The following HYLS1 variants were observed in gnomAD, a reference collection of about 807,000 sequenced individuals.
HYLS1 encodes HYLS1 centriolar and ciliogenesis associated, also known as centriolar and ciliogenesis-associated protein HYLS1.
In HYLS1, 25 loss-of-function variants were observed where a neutral mutation model predicts 29.4. The observed-to-expected ratio is 0.85, with a 90% CI of 0.62 to 1.19. The LOEUF (loss-of-function observed/expected upper bound fraction) is 1.19, where lower values mean the gene tolerates loss of function less well. Ranked by LOEUF, HYLS1 falls within the 50% of genes most tolerant of loss-of-function variation. HYLS1 has a pLI of 0.00. For synonymous variants in HYLS1, 128 were observed against 126.7 expected (o/e 1.01, Z -0.07); for missense variants, 352 against 365.1 (o/e 0.96, Z 0.29).
At position 125,894,085 on chromosome 11, in the gene HYLS1, C is replaced by T. The variant is rs761773596; in HGVS notation, c.-26+2613C>T. The T allele has an allele frequency of 3.1e-6, 5 of 1,613,974 alleles. No individual in the cohort carries two copies. In the South Asian group the frequency reaches 5.5e-5, roughly 18 times the overall value. ...CATTTCCCCATTCTGTCATTCCATC[C>T]ATCTTTGGTCCTATTCCACAGGGTA... On this transcript the variant is annotated intron_variant, in intron 2 of 2. Transcript: ENST00000425380.
chr11:125,885,960 A>G (rs1944298222), upstream of HYLS1, among the ~76,000 whole-genome samples: 1 of 152,138 alleles, frequency 6.6e-6, no homozygotes, highest in South Asian at 2.1e-4. Context: ...TTGCAGAAAA[A>G]CAAGCTCAGG....
At chr11:125,892,110 A>T (rs1174943966) in intron 2 of HYLS1, among the ~76,000 whole-genome samples, 2 of 152,334 alleles carry the variant, frequency 1.3e-5, no homozygotes, top group Non-Finnish European at 2.9e-5. Flanking sequence ...TTAGAGGATC[A>T]GGGTCTTAGA....
At chr11:125,898,762 G>A (rs1304420812) in intron 2 of HYLS1, among the ~76,000 whole-genome samples, 1 of 145,058 alleles carries the variant, frequency 6.9e-6, no homozygotes, top group Non-Finnish European at 1.6e-5. Flanking sequence ...CACTGCTTTT[G>A]TGATTTTTTT....
chr11:125,894,771 A>G (rs1025518057), intron 2 of HYLS1, among the ~76,000 whole-genome samples: 3 of 152,196 alleles, frequency 2.0e-5, no homozygotes, highest in African/African-American at 4.8e-5. Context: ...TTTAATATGA[A>G]TAGTTTGTTC....
intron 1 of HYLS1, among the ~76,000 whole-genome samples, chr11:125,890,194 C>T (rs1156963952): frequency 6.6e-6 from 1 of 152,086 alleles, no homozygotes; most frequent in Non-Finnish European, 1.5e-5. Context: ...GATCCTCCCA[C>T]CTCAGCCTCC....
At chr11:125,884,869 G>A (rs1194362949), upstream of HYLS1, among the ~76,000 whole-genome samples, 2 of 152,182 alleles carry the variant, frequency 1.3e-5, no homozygotes, top group Non-Finnish European at 2.9e-5. Flanking sequence ...AAATTTTTAA[G>A]ATGAGATTTG....
intron 2 of HYLS1, among the ~76,000 whole-genome samples, chr11:125,898,017 C>T (rs530828348): frequency 1.3e-5 from 2 of 152,186 alleles, no homozygotes; most frequent in East Asian, 1.9e-4. Flanking sequence ...TGAAGAATGT[C>T]GGCCTGTGCT....
At chr11:125,887,339 C>A (rs578233454), upstream of HYLS1, 1 of 152,392 alleles carries the variant, frequency 6.6e-6, no homozygotes, top group Admixed American at 6.5e-5. Flanking sequence ...CGCCGTTAGC[C>A]AAGGTTTGAG....
rs374261603 is a variant in HYLS1 at position 125,900,093 on chromosome 11, G to A, written c.725G>A (p.Arg242Gln). ...AGAAAGGAATTACGCTGGGGTGTCC[G>A]AGAGCAGATGCTTTGTCGAGCAGAA... ...DHRKELRWGV[R>Q]EQMLCRAEPQ... The change falls in exon 3 of 3, where the codon CGA becomes CAA. Residue 242 changes from arginine to glutamine, a missense_variant. Transcript: ENST00000425380. 2.7e-5 allele frequency: 43 copies of A among 1,614,064 alleles called. No individual in the cohort carries two copies. Among genetic ancestry groups the A allele is most frequent in the East Asian group, 8.9e-5 (4 of 44,898 alleles).
chr11:125,889,218 C>T (rs557328427), intron 1 of HYLS1, among the ~76,000 whole-genome samples: 2 of 152,222 alleles, frequency 1.3e-5, no homozygotes, highest in East Asian at 3.9e-4. Context: ...TTAATGGATG[C>T]GTGGCGTTTG....
chr11:125,900,646 A>T lies in HYLS1; in HGVS notation c.*378A>T, dbSNP rs1565458565. On this transcript the variant is annotated 3_prime_UTR_variant, in exon 3 of 3. Transcript: ENST00000425380. The stretch of plus-strand genomic sequence containing the variant: ...ACCAATTAAAGAATTTTGGAAATTC[A>T]TGAACTTGAACATTATTTCATGAAA... 2 of 267,868 alleles carry T rather than the reference A, an allele frequency of 7.5e-6. No individual in the cohort carries two copies. The highest frequency in any genetic ancestry group is 1.5e-5 in the Non-Finnish European group (2 of 130,584). The allele number at this position is 267,868 out of a possible 1,614,324, so 16.6% of individuals were successfully genotyped here. A position where few individuals can be genotyped will look rare whatever the true frequency, so the allele number is the denominator to read the frequency against.
At chr11:125,883,892 T>G (rs1410836001), upstream of HYLS1, 1 of 152,078 alleles carries the variant, frequency 6.6e-6, no homozygotes, top group Non-Finnish European at 1.5e-5. Flanking sequence ...AAAGAGTGGT[T>G]AACAAGCATG....
chr11:125,884,545 C>T (rs1944276704), upstream of HYLS1, among the ~76,000 whole-genome samples: 1 of 152,148 alleles, frequency 6.6e-6, no homozygotes, highest in Non-Finnish European at 1.5e-5. Flanking sequence ...GGAGGTGGAG[C>T]TTGCAGTGAG....
At chr11:125,892,616 G>A (rs1274644811) in intron 2 of HYLS1, among the ~76,000 whole-genome samples, 1 of 152,084 alleles carries the variant, frequency 6.6e-6, no homozygotes, top group East Asian at 1.9e-4. Flanking sequence ...GAGTCCTGTT[G>A]TTTCTACTTT....
upstream of HYLS1, among the ~76,000 whole-genome samples, chr11:125,885,461 A>T (rs75885913): frequency 1.4e-4 from 21 of 149,480 alleles, no homozygotes; most frequent in Middle Eastern, 3.4e-3. Context: ...AAAAAAAATT[A>T]AAAAAAAAAG....
intron 2 of HYLS1, chr11:125,895,978 C>A (rs1466951534): frequency 6.2e-7 from 1 of 1,614,178 alleles, no homozygotes; most frequent in South Asian, 1.1e-5. Context: ...CTGCTTTCTA[C>A]TAGTCGAGTC....
intron 2 of HYLS1, among the ~76,000 whole-genome samples, chr11:125,892,529 C>T (rs1301635434): frequency 6.6e-6 from 1 of 152,158 alleles, no homozygotes; most frequent in Admixed American, 6.5e-5. Flanking sequence ...TACTACCAGC[C>T]ACTCATTTTG....
At chr11:125,891,705 G>A (rs1944412141) in intron 2 of HYLS1, among the ~76,000 whole-genome samples, 1 of 152,160 alleles carries the variant, frequency 6.6e-6, no homozygotes. Context: ...GGGCAATTTT[G>A]AATAAATCTT....
chr11:125,884,751 T>A (rs1395233450), upstream of HYLS1, among the ~76,000 whole-genome samples: 1 of 152,252 alleles, frequency 6.6e-6, no homozygotes, highest in Non-Finnish European at 1.5e-5. Flanking sequence ...TGTGGTGATA[T>A]AGAAGCAACA....
Sources: gnomAD v4.1 joint callset for allele counts (sites outside exome capture counted in the v4.1 genomes callset) on GRCh38, gnomAD v4.1.1 for gene constraint, MANE v1.5 for transcripts, NCBI Gene and HGNC (gene_info 2026-07-23, HGNC 2026-07-21) for gene names.